Variants in XIRP2 observed in about 807,000 individuals in gnomAD.
XIRP2 encodes the protein xin actin binding repeat containing 2, also known as xin actin-binding repeat-containing protein 2.
In XIRP2, 236 loss-of-function variants were observed where a neutral mutation model predicts 277.0. The ratio of observed to expected loss-of-function variants is 0.85; its 90% CI spans 0.77 to 0.95. The LOEUF is 0.95. Ranked by LOEUF, XIRP2 falls within the 40% of genes least tolerant of loss-of-function variation. XIRP2 has a pLI of 0.00. For missense variants in XIRP2, 4,640 were observed against 4,157.5 expected (o/e 1.12, Z -3.19); for synonymous variants, 1,490 against 1,416.5 (o/e 1.05, Z -1.17).
intron 2 of XIRP2, among the ~76,000 whole-genome samples, chr2:166,942,654 A>G (rs74271028): frequency 0.075 from 11,439 of 152,290 alleles, 979 homozygotes; most frequent in East Asian, 0.47. Flanking sequence ...GTTTGTACTG[A>G]TAAACAATTA....
At chr2:167,028,590 A>G (rs1688240395) in intron 2 of XIRP2, among the ~76,000 whole-genome samples, 1 of 152,098 alleles carries the variant, frequency 6.6e-6, no homozygotes, top group African/African-American at 2.4e-5. Flanking sequence ...AGCCTTCCCA[A>G]GACAGGTACA....
chr2:167,159,250 G>T (rs1362168723), intron 3 of XIRP2, among the ~76,000 whole-genome samples: 8 of 152,198 alleles, frequency 5.3e-5, no homozygotes, highest in Non-Finnish European at 1.0e-4. Flanking sequence ...TCTCCTCCAG[G>T]ATCTCTCTGG....
rs1406060190 is a variant in XIRP2 at position 167,245,379 on chromosome 2, G to T, written c.3987G>T (p.Gly1329=). 7 of 1,613,634 alleles carry T rather than the reference G, an allele frequency of 4.3e-6. No individual in the cohort carries two copies. Among genetic ancestry groups the T allele is most frequent in the African/African-American group, 1.3e-5 (1 of 74,962 alleles). Residue 1329 remains glycine, a synonymous_variant, in exon 9 of 11, where the codon GGG becomes GGT. Coordinates refer to ENST00000409195, the MANE Select transcript of XIRP2 (RefSeq NM_152381.6). ...TCTATGCAATTCAAGACCGAGAAGG[G>T]TCCTATCATGAAGTGACCACAGTTA... ...QPLYAIQDRE[G]SYHEVTTVKK...
intron 2 of XIRP2, among the ~76,000 whole-genome samples, chr2:166,960,830 G>A (rs1686280623): frequency 6.6e-6 from 1 of 151,652 alleles, no homozygotes; most frequent in Non-Finnish European, 1.5e-5. Flanking sequence ...GCTTATTCCA[G>A]GCCTCCTACT....
chr2:166,925,171 A>G (rs1346476439), intron 2 of XIRP2, among the ~76,000 whole-genome samples: 2 of 152,056 alleles, frequency 1.3e-5, no homozygotes, highest in African/African-American at 2.4e-5. Context: ...ACCTACAATC[A>G]GTATTGTTCA....
intron 2 of XIRP2, among the ~76,000 whole-genome samples, chr2:167,040,841 G>T (rs149470995): frequency 1.6e-3 from 236 of 152,254 alleles, no homozygotes; most frequent in African/African-American, 5.2e-3. Context: ...GCACCTACCT[G>T]CCCACAACCA....
intron 2 of XIRP2, among the ~76,000 whole-genome samples, chr2:167,091,985 A>G (rs115089814): frequency 6.6e-6 from 1 of 152,150 alleles, no homozygotes; most frequent in Non-Finnish European, 1.5e-5. Flanking sequence ...GCAACACCAA[A>G]TGTGATTGTG....
intron 5 of XIRP2, among the ~76,000 whole-genome samples, chr2:167,227,039 A>G (rs1694622492): frequency 6.6e-6 from 1 of 152,110 alleles, no homozygotes; most frequent in Non-Finnish European, 1.5e-5. Context: ...TCTCTAGGTG[A>G]TTCTAATGTA....
At chr2:166,971,031 A>G (rs1686563041) in intron 2 of XIRP2, among the ~76,000 whole-genome samples, 2 of 151,964 alleles carry the variant, frequency 1.3e-5, no homozygotes, top group Non-Finnish European at 1.5e-5. Context: ...AAAAAATTCA[A>G]TAGCATCAAT....
chr2:167,164,191 G>A (rs112676767), intron 3 of XIRP2, among the ~76,000 whole-genome samples: 15,022 of 151,722 alleles, frequency 0.099, 801 homozygotes, highest in South Asian at 0.15. Flanking sequence ...CTGTAATCCC[G>A]GCACTTTGGG....
intron 2 of XIRP2, among the ~76,000 whole-genome samples, chr2:166,924,820 C>T (rs1183722216): frequency 2.0e-5 from 3 of 151,894 alleles, no homozygotes; most frequent in East Asian, 1.9e-4. Context: ...AGAATAAGAA[C>T]GCTGTTAAAT....
At chr2:166,915,290 A>G (rs1684835398) in intron 2 of XIRP2, among the ~76,000 whole-genome samples, 1 of 135,968 alleles carries the variant, frequency 7.4e-6, no homozygotes. Context: ...ACACAGCAAG[A>G]CTCCGTCTCA....
intron 2 of XIRP2, among the ~76,000 whole-genome samples, chr2:166,951,331 A>G (rs1219197597): frequency 6.6e-6 from 1 of 151,976 alleles, no homozygotes; most frequent in Admixed American, 6.6e-5. Flanking sequence ...GAGGCTTAGG[A>G]AGCTTCCAGT....
At chr2:167,170,024 A>T (rs928918400) in intron 3 of XIRP2, among the ~76,000 whole-genome samples, 2 of 152,140 alleles carry the variant, frequency 1.3e-5, no homozygotes, top group African/African-American at 4.8e-5. Flanking sequence ...TTATTGTGTG[A>T]CATTAGCTGT....
chr2:167,168,872 C>T (rs1047449280), intron 3 of XIRP2, among the ~76,000 whole-genome samples: 1 of 152,152 alleles, frequency 6.6e-6, no homozygotes, highest in African/African-American at 2.4e-5. Context: ...CCTCAGCCTC[C>T]CAAAGTGCAT....
chr2:166,933,006 G>T (rs371716174), intron 2 of XIRP2, among the ~76,000 whole-genome samples: 11 of 151,950 alleles, frequency 7.2e-5, no homozygotes, highest in Non-Finnish European at 2.9e-5. Flanking sequence ...CTTCAGGATT[G>T]TCTTGGCTGT....
At chr2:166,964,740 G>T (rs1686385663) in intron 2 of XIRP2, among the ~76,000 whole-genome samples, 1 of 151,842 alleles carries the variant, frequency 6.6e-6, no homozygotes, top group South Asian at 2.1e-4. Flanking sequence ...CATTTCAGAA[G>T]TGTTGGAAAC....
At chr2:167,087,404 G>C (rs1468029622) in intron 2 of XIRP2, among the ~76,000 whole-genome samples, 1 of 151,588 alleles carries the variant, frequency 6.6e-6, no homozygotes. Context: ...TTGTTTGTCT[G>C]TGCCCTGCCC....
intron 3 of XIRP2, among the ~76,000 whole-genome samples, chr2:167,143,090 C>A (rs369970374): frequency 1.3e-5 from 2 of 152,118 alleles, no homozygotes; most frequent in African/African-American, 4.8e-5. Flanking sequence ...TTTTCGGTAT[C>A]AGAGGCGAAC....
Sources: allele counts gnomAD v4.1 joint callset (sites outside exome capture counted in the v4.1 genomes callset), GRCh38; gene constraint gnomAD v4.1.1; transcripts MANE v1.5; gene names NCBI Gene and HGNC (gene_info 2026-07-23, HGNC 2026-07-21).